CCDC125: variants seen among roughly 807,000 people sequenced by gnomAD.
CCDC125 encodes the protein coiled-coil domain-containing protein 125.
Under a neutral mutation model 57.4 loss-of-function variants are expected in CCDC125, and 43 were observed. The observed-to-expected ratio is 0.75, with a 90% confidence interval of 0.59 to 0.97. CCDC125 has a LOEUF of 0.97. Ranked by LOEUF, CCDC125 falls within the 50% of genes least tolerant of loss-of-function variation. The probability of loss-of-function intolerance (pLI) is 0.00; values close to 1 mark genes in which losing one functional copy is unlikely to be tolerated. For missense variants in CCDC125, 563 were observed against 595.7 expected, an observed-to-expected ratio of 0.95 and a Z score of 0.57; for synonymous variants, 187 against 195.2, an observed-to-expected ratio of 0.96 and a Z score of 0.35.
At chr5:69,320,142 A>C in intron 2 of CCDC125, 95 bp downstream of exon 2, 1 of 1,217,718 alleles carries the variant, frequency 8.2e-7, no homozygotes. Context: ...GAAAATCTAA[A>C]ATCCAATATG....
intron 6 of CCDC125, among the ~76,000 whole-genome samples, chr5:69,305,945 CTGAAA>C (rs1757264839): frequency 6.6e-6 from 1 of 152,192 alleles, no homozygotes; most frequent in Admixed American, 6.5e-5. Context: ...CCATACCCAA[CTGAAA>C]TGACTGACTT....
At chr5:69,329,224 G>C (rs987330430) in intron 1 of CCDC125, among the ~76,000 whole-genome samples, 20 of 152,054 alleles carry the variant, frequency 1.3e-4, no homozygotes, top group Admixed American at 9.2e-4. Flanking sequence ...CCAGGCTGGA[G>C]TGCAGTGACA....
intron 7 of CCDC125, among the ~76,000 whole-genome samples, chr5:69,301,385 G>A (rs1025715362): frequency 1.8e-4 from 28 of 152,126 alleles, no homozygotes; most frequent in African/African-American, 6.8e-4. Context: ...TGTAATCCCA[G>A]CACTTTTGGA....
At chr5:69,319,727 T>A (rs1395015385) in intron 2 of CCDC125, among the ~76,000 whole-genome samples, 2 of 151,528 alleles carry the variant, frequency 1.3e-5, no homozygotes, top group Non-Finnish European at 2.9e-5. Context: ...GTGATCCACC[T>A]GCCTCAGCCT....
intron 1 of CCDC125, among the ~76,000 whole-genome samples, chr5:69,329,578 A>G (rs1309433732): frequency 2.8e-5 from 4 of 140,456 alleles, no homozygotes; most frequent in Non-Finnish European, 6.0e-5. Context: ...ATCACGGCTC[A>G]CTGCAACCTC....
downstream of CCDC125, among the ~76,000 whole-genome samples, chr5:69,275,676 T>G (rs1253475896): frequency 6.6e-6 from 1 of 152,180 alleles, no homozygotes; most frequent in Non-Finnish European, 1.5e-5. Context: ...TAAAAATATT[T>G]TATAAAATTA....
chr5:69,308,053 G>A (rs1411427963), intron 4 of CCDC125, 25 bp from the exon 5 acceptor site: 2 of 1,538,234 alleles, frequency 1.3e-6, no homozygotes, highest in African/African-American at 1.4e-5. Context: ...ACTAGCATCA[G>A]TATAAATTAA....
At chr5:69,274,721 T>G in the CCDC125 span, among the ~76,000 whole-genome samples, 1 of 151,746 alleles carries the variant, frequency 6.6e-6, no homozygotes, top group African/African-American at 2.4e-5. Flanking sequence ...GTACAAGCGA[T>G]TCTCCTGTCT....
chr5:69,299,982 T>A (rs1344867692), intron 8 of CCDC125, 30 bp downstream of exon 8: 1 of 1,480,410 alleles, frequency 6.8e-7, no homozygotes. Context: ...AAATGTCCCT[T>A]CTGTTCAGCT....
rs1048243822 is a variant in CCDC125 at position 69,280,229 on chromosome 5, T to C, written c.*2500A>G. Reference sequence around the variant, plus strand: ...CTCAGCATTCACATTGTAATTGAGCTCATTTAAGCAAAGCTATCTTCAGTA... The same window carrying C: ...CTCAGCATTCACATTGTAATTGAGCCCATTTAAGCAAAGCTATCTTCAGTA... On this transcript the variant is annotated 3_prime_UTR_variant, in exon 12 of 12. Coordinates refer to ENST00000396496, the MANE Select transcript of CCDC125 (RefSeq NM_176816.5). 6.6e-6 allele frequency: 1 copy of C among 152,224 alleles called. No homozygotes were observed. Among genetic ancestry groups the C allele is most frequent in the Non-Finnish European group, 1.5e-5 (1 of 68,042 alleles). The allele number at this position is 152,224 out of a possible 1,614,324, so 9.4% of individuals were successfully genotyped here.
intron 9 of CCDC125, among the ~76,000 whole-genome samples, chr5:69,293,213 A>T (rs1754758916): frequency 1.3e-5 from 2 of 152,134 alleles, no homozygotes; most frequent in South Asian, 4.1e-4. Context: ...AACACGGCTC[A>T]CTGTAACTGT....
At chr5:69,308,927 T>C (rs762880236) in intron 4 of CCDC125, 1 of 154,316 alleles carries the variant, frequency 6.5e-6, no homozygotes, top group Non-Finnish European at 1.4e-5. Flanking sequence ...GTGACTCTTG[T>C]TATGTTTTAG....
At chr5:69,278,199 A>T (rs1752298541), downstream of CCDC125, among the ~76,000 whole-genome samples, 1 of 122,178 alleles carries the variant, frequency 8.2e-6, no homozygotes, top group Admixed American at 8.7e-5. Context: ...CCCTCTTAAA[A>T]ATTCACTTTA....
In CCDC125 at chr5:69,295,779, T is replaced by C. The variant is rs1016686193; in HGVS notation, c.817-879A>G. Among the ~76,000 whole-genome samples the C allele has an allele frequency of 4.6e-5, 7 of 152,248 alleles. No homozygotes were observed. The South Asian group carries it at 1.2e-3, about 27-fold the overall frequency. ...TGTAACTATGCACTAAACCATACCATCAAAAGATGTTGAAATTCTGTTAAA... is the reference window on the plus strand; with the variant it reads ...TGTAACTATGCACTAAACCATACCACCAAAAGATGTTGAAATTCTGTTAAA... On this transcript the variant is annotated intron_variant, in intron 8 of 11. Coordinates refer to ENST00000396496, the MANE Select transcript of CCDC125 (RefSeq NM_176816.5).
intron 7 of CCDC125, among the ~76,000 whole-genome samples, chr5:69,300,728 T>A (rs1489688339): frequency 6.6e-6 from 1 of 151,948 alleles, no homozygotes; most frequent in Admixed American, 6.6e-5. Flanking sequence ...TCAGCTGGAG[T>A]CCCTGGTGCT....
intron 1 of CCDC125, among the ~76,000 whole-genome samples, chr5:69,326,493 C>T (rs1460465766): frequency 6.6e-6 from 1 of 152,038 alleles, no homozygotes; most frequent in Admixed American, 6.6e-5. Flanking sequence ...TAGACTCCTG[C>T]TTGTTAAGGG....
chr5:69,302,797 T>G (rs1756706998), intron 7 of CCDC125, among the ~76,000 whole-genome samples: 1 of 152,104 alleles, frequency 6.6e-6, no homozygotes, highest in South Asian at 2.1e-4. Context: ...GACCATTATA[T>G]AAGAGATATA....
At chr5:69,290,736 T>C (rs1027615263) in intron 10 of CCDC125, among the ~76,000 whole-genome samples, 1 of 151,138 alleles carries the variant, frequency 6.6e-6, no homozygotes, top group Non-Finnish European at 1.5e-5. Context: ...TTCAAGCAAT[T>C]CTCCTGCCTC....
chr5:69,327,058 T>C (rs1760818074), intron 1 of CCDC125, among the ~76,000 whole-genome samples: 1 of 150,842 alleles, frequency 6.6e-6, no homozygotes, highest in East Asian at 2.0e-4. Context: ...TAAAATAAAA[T>C]GTAACTTCAG....
Sources: gnomAD v4.1 joint callset for allele counts (sites outside exome capture counted in the v4.1 genomes callset) on GRCh38, gnomAD v4.1.1 for gene constraint, MANE v1.5 for transcripts, NCBI Gene and HGNC (gene_info 2026-07-23, HGNC 2026-07-21) for gene names.